Variants in CHRM3 observed in about 807,000 individuals in gnomAD.
The protein encoded by CHRM3 is cholinergic receptor muscarinic 3, also known as muscarinic acetylcholine receptor M3.
A neutral mutation model predicts 41.8 loss-of-function variants in CHRM3; 11 were observed. The ratio of observed to expected loss-of-function variants is 0.26; its 90% CI spans 0.17 to 0.44. The LOEUF (loss-of-function observed/expected upper bound fraction) is 0.44, where lower values mean the gene tolerates loss of function less well. Ranked by LOEUF, CHRM3 falls within the 20% of genes least tolerant of loss-of-function variation. The probability of loss-of-function intolerance (pLI) is 1.00; values close to 1 mark genes in which losing one functional copy is unlikely to be tolerated. For synonymous variants in CHRM3, 297 were observed against 301.4 expected (o/e 0.99, Z 0.15); for missense variants, 571 against 745.4 (o/e 0.77, Z 2.72).
rs1247771254 is a variant in CHRM3 at position 239,899,943 on chromosome 1, A to C, written c.-19-7490A>C. 2.6e-5 allele frequency: 4 copies of C among 152,346 alleles called. No homozygotes were observed. The East Asian group carries it at 7.7e-4, about 29-fold the overall frequency. The allele number at this position is 152,346 out of a possible 1,614,324, so 9.4% of individuals were successfully genotyped here. On this transcript the variant is annotated intron_variant, in intron 6 of 6. Coordinates refer to ENST00000676153, the MANE Select transcript of CHRM3 (RefSeq NM_001375978.1). ...CTATCTGACCATGCCCTGAGCCCTC[A>C]TGCAGGCTGCATTCCTAGAACTCTT...
At chr1:239,592,102 G>A (rs1664227723) in intron 3 of CHRM3, among the ~76,000 whole-genome samples, 1 of 152,268 alleles carries the variant, frequency 6.6e-6, no homozygotes, top group East Asian at 1.9e-4. Context: ...TTCTGTAAGA[G>A]GAGCTTATTC....
At position 239,710,428 on chromosome 1, in the gene CHRM3, G is replaced by A. The variant is rs186814600; in HGVS notation, c.-147+32140G>A. 5.2e-3 allele frequency among the ~76,000 whole-genome samples: 797 copies of A among 152,172 alleles called. 5 individuals are homozygous for A. The highest frequency in any genetic ancestry group is 0.017 in the Middle Eastern group (5 of 294). ...TCTATAGGCAGGCTGATAATGCAAA[G>A]AACACCTGACAACCTAAATGATGAG... On this transcript the variant is annotated intron_variant, in intron 5 of 6. Coordinates refer to ENST00000676153, the MANE Select transcript of CHRM3 (RefSeq NM_001375978.1).
intron 6 of CHRM3, among the ~76,000 whole-genome samples, chr1:239,890,909 G>A (rs948522079): frequency 1.3e-5 from 2 of 152,160 alleles, no homozygotes; most frequent in African/African-American, 4.8e-5. Flanking sequence ...AGATCCAACT[G>A]ATAATATTTA....
intron 1 of CHRM3, among the ~76,000 whole-genome samples, chr1:239,464,413 T>C (rs1227423885): frequency 6.6e-6 from 1 of 152,176 alleles, no homozygotes; most frequent in Admixed American, 6.5e-5. Flanking sequence ...TTCTACCTCC[T>C]ATGGTGAACC....
At chr1:239,555,346 G>T (rs930091779) in intron 3 of CHRM3, among the ~76,000 whole-genome samples, 8 of 152,150 alleles carry the variant, frequency 5.3e-5, no homozygotes, top group Non-Finnish European at 1.2e-4. Context: ...TGGAAGTTTG[G>T]TTGTGGAACT....
At chr1:239,446,848 T>C (rs906503243) in intron 1 of CHRM3, among the ~76,000 whole-genome samples, 1 of 152,186 alleles carries the variant, frequency 6.6e-6, no homozygotes, top group Non-Finnish European at 1.5e-5. Flanking sequence ...ACAGTGGTTC[T>C]AAGGGAACAT....
intron 5 of CHRM3, among the ~76,000 whole-genome samples, chr1:239,711,946 G>C (rs1192678717): frequency 6.6e-6 from 1 of 152,026 alleles, no homozygotes; most frequent in Non-Finnish European, 1.5e-5. Context: ...TTCCCCTTTA[G>C]CTATAGCTAG....
intron 1 of CHRM3, among the ~76,000 whole-genome samples, chr1:239,490,249 T>C (rs1053549144): frequency 2.0e-5 from 3 of 152,214 alleles, no homozygotes; most frequent in Admixed American, 6.5e-5. Flanking sequence ...AGTAAATGAA[T>C]GTCTTATGTA....
intron 3 of CHRM3, among the ~76,000 whole-genome samples, chr1:239,597,397 T>C (rs1294982011): frequency 6.6e-6 from 1 of 152,208 alleles, no homozygotes; most frequent in Non-Finnish European, 1.5e-5. Context: ...CATCAGTAGC[T>C]AACCTGTAGC....
intron 5 of CHRM3, among the ~76,000 whole-genome samples, chr1:239,788,869 T>G (rs1034253450): frequency 5.3e-5 from 8 of 152,248 alleles, no homozygotes; most frequent in Admixed American, 5.2e-4. Flanking sequence ...AATTGTAAAG[T>G]ATATTTTATG....
chr1:239,643,000 G>A (rs1441782518), intron 4 of CHRM3, among the ~76,000 whole-genome samples: 1 of 152,230 alleles, frequency 6.6e-6, no homozygotes, highest in Non-Finnish European at 1.5e-5. Flanking sequence ...ACCCTCAGCT[G>A]CAGGTCTGTT....
Position 239,472,725 on chromosome 1 carries a change from G to T in CHRM3, c.-520-19984G>T, listed in dbSNP as rs375224062. 2.6e-5 allele frequency among the ~76,000 whole-genome samples: 4 copies of T among 151,938 alleles called. No individual in the cohort carries two copies. In the East Asian group the frequency reaches 7.8e-4, roughly 30 times the overall value. The stretch of plus-strand genomic sequence containing the variant: ...GGACAACACCCACTAGGGCCTGTTG[G>T]GGGTGGGATGGAGGAGGGGGAGAGC... On this transcript the variant is annotated intron_variant, in intron 1 of 6. Coordinates refer to ENST00000676153, the MANE Select transcript of CHRM3 (RefSeq NM_001375978.1).
chr1:239,432,597 CT>C (rs1396716128), intron 1 of CHRM3, among the ~76,000 whole-genome samples: 1 of 151,936 alleles, frequency 6.6e-6, no homozygotes, highest in Non-Finnish European at 1.5e-5. Context: ...AGGATATTTA[CT>C]TTGTTTACTT....
chr1:239,765,336 G>A (rs1667117290), intron 5 of CHRM3, among the ~76,000 whole-genome samples: 1 of 152,160 alleles, frequency 6.6e-6, no homozygotes, highest in South Asian at 2.1e-4. Context: ...CATTGGTCCT[G>A]GTGCCTTGCC....
chr1:239,498,190 T>C (rs1572507385), intron 2 of CHRM3, among the ~76,000 whole-genome samples: 1 of 152,264 alleles, frequency 6.6e-6, no homozygotes, highest in Non-Finnish European at 1.5e-5. Context: ...TTGTTTATCA[T>C]ATATAAGTAC....
chr1:239,444,936 G>A lies in CHRM3; in HGVS notation c.-520-47773G>A, dbSNP rs113644685. ...AAGAAAGAGCAAAGATGTCACTGAG[G>A]TCTCTGGCAGTAAAGACAAGAAGAG... On this transcript the variant is annotated intron_variant, in intron 1 of 6. Transcript: ENST00000676153. Among the ~76,000 whole-genome samples, 841 of 152,266 alleles carry A rather than the reference G, an allele frequency of 5.5e-3. 11 individuals are homozygous for A. The highest frequency in any genetic ancestry group is 0.019 in the African/African-American group (796 of 41,548).
At chr1:239,602,258 C>T (rs1665698580) in intron 3 of CHRM3, among the ~76,000 whole-genome samples, 1 of 151,554 alleles carries the variant, frequency 6.6e-6, no homozygotes, top group African/African-American at 2.4e-5. Flanking sequence ...CCTCAGCCTC[C>T]CGAGTAATAA....
intron 3 of CHRM3, among the ~76,000 whole-genome samples, chr1:239,581,858 A>T (rs1662929613): frequency 6.6e-6 from 1 of 152,162 alleles, no homozygotes; most frequent in African/African-American, 2.4e-5. Context: ...TTCTGAATAG[A>T]AGTTAGGAGT....
At chr1:239,670,581 G>GCTCA (rs1242204301) in intron 4 of CHRM3, among the ~76,000 whole-genome samples, 2 of 152,012 alleles carry the variant, frequency 1.3e-5, no homozygotes, top group East Asian at 3.9e-4. Context: ...CATAATCTCG[G>GCTCA]CTCACTGCAA....
Sources: allele counts gnomAD v4.1 joint callset (sites outside exome capture counted in the v4.1 genomes callset), GRCh38; gene constraint gnomAD v4.1.1; transcripts MANE v1.5; gene names NCBI Gene and HGNC (gene_info 2026-07-23, HGNC 2026-07-21).